GRK5: variants seen among roughly 807,000 people sequenced by gnomAD.
GRK5 encodes G protein-coupled receptor kinase 5.
Under a neutral mutation model 78.4 loss-of-function variants are expected in GRK5, and 40 were observed. The ratio of observed to expected loss-of-function variants is 0.51; its 90% CI spans 0.40 to 0.66. The LOEUF (loss-of-function observed/expected upper bound fraction) is 0.66, where lower values mean the gene tolerates loss of function less well. Among genes scored for constraint, GRK5 ranks in the 30% least tolerant of loss-of-function variants. The pLI is 0.00. For missense variants in GRK5, 598 were observed against 759.9 expected, an observed-to-expected ratio of 0.79 and a Z score of 2.50; for synonymous variants, 289 against 296.8, an observed-to-expected ratio of 0.97 and a Z score of 0.27.
chr10:119,306,680 C>T (rs1309025447), intron 1 of GRK5, among the ~76,000 whole-genome samples: 5 of 152,142 alleles, frequency 3.3e-5, no homozygotes, highest in South Asian at 2.1e-4. Flanking sequence ...AGAGGTGTCA[C>T]GTCTGCCTGA....
At chr10:119,432,900 A>G (rs942215277) in intron 8 of GRK5, among the ~76,000 whole-genome samples, 2 of 152,084 alleles carry the variant, frequency 1.3e-5, no homozygotes, top group Admixed American at 6.5e-5. Flanking sequence ...GCAAAACCCC[A>G]TTTCTACTAA....
intron 1 of GRK5, among the ~76,000 whole-genome samples, chr10:119,321,278 G>A (rs147767945): frequency 9.9e-4 from 151 of 152,312 alleles, no homozygotes; most frequent in African/African-American, 3.5e-3. Flanking sequence ...GAACATCCTC[G>A]TATTAGCTTC....
At chr10:119,225,376 G>C (rs1848718429) in intron 1 of GRK5, among the ~76,000 whole-genome samples, 1 of 152,122 alleles carries the variant, frequency 6.6e-6, no homozygotes, top group Admixed American at 6.5e-5. Flanking sequence ...AGATGTGAGG[G>C]GTGGAAATAT....
intron 9 of GRK5, 138 bp from the exon 10 acceptor site, chr10:119,439,593 A>G: frequency 1.4e-6 from 1 of 702,578 alleles, no homozygotes; most frequent in Non-Finnish European, 2.5e-6. Flanking sequence ...CTCAAACCAG[A>G]CAGCCTGAGC....
intron 1 of GRK5, among the ~76,000 whole-genome samples, chr10:119,254,344 C>G (rs1240805606): frequency 6.6e-6 from 1 of 152,112 alleles, no homozygotes; most frequent in African/African-American, 2.4e-5. Context: ...TTCTGTTCTG[C>G]CCTACTTTAG....
Position 119,266,378 on chromosome 10 carries a change from C to G in GRK5, c.52+58409C>G, listed in dbSNP as rs1849496441. On this transcript the variant is annotated intron_variant, in intron 1 of 15. Transcript: ENST00000392870. ...AGGCTGAGACGGGAGAACGCTTGAA[C>G]CCAGGAGGTGGAGGTTGCAGTGAGC... 3.9e-5 allele frequency among the ~76,000 whole-genome samples: 6 copies of G among 152,042 alleles called. No homozygotes were observed. The South Asian group carries it at 1.2e-3, about 31-fold the overall frequency.
rs1852605353 is a variant in GRK5 at position 119,423,199 on chromosome 10, C to G, written c.373C>G (p.Leu125Val). 6.8e-6 allele frequency: 11 copies of G among 1,614,016 alleles called. No homozygotes were observed. Among genetic ancestry groups the G allele is most frequent in the Non-Finnish European group, 8.5e-6 (10 of 1,179,950 alleles). Residue 125 changes from leucine (L) to valine (V), a missense_variant, in exon 5 of 16, where the codon CTG becomes GTG. Physicochemically the swap from Leu to Val is conservative, Grantham distance 32. Transcript: ENST00000392870. ...TTTCATAGCCCAAGTTGGCCAAGAC[C>G]TGGTCTCCCAGACGGAGGAGAAGCT... Reference protein sequence around the residue: ...PVFIAQVGQDLVSQTEEKLLQ... With the variant: ...PVFIAQVGQDVVSQTEEKLLQ...
At chr10:119,429,195 C>T (rs941322961) in intron 6 of GRK5, among the ~76,000 whole-genome samples, 17 of 152,270 alleles carry the variant, frequency 1.1e-4, no homozygotes, top group South Asian at 4.1e-4. Flanking sequence ...AGCCATGGCA[C>T]GCAAATTCAA....
chr10:119,393,007 G>A (rs1851911095), intron 3 of GRK5, among the ~76,000 whole-genome samples: 1 of 152,216 alleles, frequency 6.6e-6, no homozygotes, highest in South Asian at 2.1e-4. Context: ...GGTTTCCAGG[G>A]TGGCCCCAGC....
At chr10:119,287,627 C>T (rs975026524) in intron 1 of GRK5, among the ~76,000 whole-genome samples, 1 of 151,924 alleles carries the variant, frequency 6.6e-6, no homozygotes, top group Non-Finnish European at 1.5e-5. Context: ...ATTATATTTC[C>T]ATCTCTGGGG....
chr10:119,446,410 C>G (rs974958931), intron 12 of GRK5, among the ~76,000 whole-genome samples: 1 of 152,216 alleles, frequency 6.6e-6, no homozygotes, highest in South Asian at 2.1e-4. Context: ...AGCCCCAGGC[C>G]CTGGCTGCCG....
chr10:119,343,206 G>A (rs138002208), intron 2 of GRK5, among the ~76,000 whole-genome samples: 20 of 152,366 alleles, frequency 1.3e-4, no homozygotes, highest in Admixed American at 2.6e-4. Context: ...GCCCAAGGGC[G>A]GGGTGGGGAA....
chr10:119,277,408 T>A (rs928035628), intron 1 of GRK5, among the ~76,000 whole-genome samples: 10 of 152,334 alleles, frequency 6.6e-5, no homozygotes, highest in Middle Eastern at 3.4e-3. Context: ...TTGTTGATGT[T>A]GAGGCATGAT....
intron 1 of GRK5, among the ~76,000 whole-genome samples, chr10:119,270,025 T>G (rs1849561145): frequency 6.6e-6 from 1 of 152,118 alleles, no homozygotes; most frequent in African/African-American, 2.4e-5. Flanking sequence ...ACCTTCCTAT[T>G]GCTGTTCCCT....
At chr10:119,447,326 C>T (rs1041955547) in intron 12 of GRK5, among the ~76,000 whole-genome samples, 13 of 152,190 alleles carry the variant, frequency 8.5e-5, no homozygotes, top group Non-Finnish European at 1.9e-4. Flanking sequence ...CGCCACCTGA[C>T]CTGGCCTTCA....
At position 119,445,616 on chromosome 10, in the gene GRK5, C is replaced by A. The variant is rs929428842; in HGVS notation, c.1266+1864C>A. On this transcript the variant is annotated intron_variant, in intron 12 of 15. Transcript: ENST00000392870. This position sits in a 1 kb window ranked among gnomAD's most constrained non-coding sequence, Gnocchi z 4.1. ...CCTCTGGAAGCCTCTGGCCTTGCTG[C>A]GGCTTCCCTTACAAATGATCTTTGG... Among the ~76,000 whole-genome samples the A allele has an allele frequency of 6.6e-6, 1 of 152,174 alleles. No homozygotes were observed. Among genetic ancestry groups the A allele is most frequent in the Non-Finnish European group, 1.5e-5 (1 of 68,028 alleles).
Position 119,224,389 on chromosome 10 carries a change from ATTATTTATTTAT to A in GRK5, c.52+16446_52+16457del, listed in dbSNP as rs59961161. ...TCACCCACTATTTATTTATTAATTT[ATTATTTATTTAT>A]TTATTTATTTATTTATTTATTTATT... On this transcript the variant is annotated intron_variant, in intron 1 of 15. Coordinates refer to ENST00000392870, the MANE Select transcript of GRK5 (RefSeq NM_005308.3). Among the ~76,000 whole-genome samples the A allele has an allele frequency of 3.8e-3, 559 of 148,722 alleles. 3 individuals carry two copies. Among genetic ancestry groups the A allele is most frequent in the African/African-American group, 0.012 (497 of 40,652 alleles).
At chr10:119,335,566 T>C (rs974161784) in intron 2 of GRK5, among the ~76,000 whole-genome samples, 3 of 152,224 alleles carry the variant, frequency 2.0e-5, no homozygotes, top group Admixed American at 6.5e-5. Flanking sequence ...TTTCACCATG[T>C]TGGCCAGGCT....
chr10:119,341,038 C>T (rs1463162319), intron 2 of GRK5, among the ~76,000 whole-genome samples: 1 of 152,182 alleles, frequency 6.6e-6, no homozygotes, highest in African/African-American at 2.4e-5. Context: ...TCCCCTCTGC[C>T]CTGCCGTGTG....
Sources: allele counts gnomAD v4.1 joint callset (sites outside exome capture counted in the v4.1 genomes callset), GRCh38; gene constraint gnomAD v4.1.1; non-coding constraint Gnocchi (gnomAD v3.1); transcripts MANE v1.5; gene names NCBI Gene and HGNC (gene_info 2026-07-23, HGNC 2026-07-21).